GPC5: variants seen among roughly 807,000 people sequenced by gnomAD.
GPC5 encodes the protein glypican-5.
Under a neutral mutation model 53.9 loss-of-function variants are expected in GPC5, and 47 were observed. The ratio of observed to expected loss-of-function variants is 0.87; its 90% confidence interval spans 0.69 to 1.11. The LOEUF (loss-of-function observed/expected upper bound fraction) is 1.11. GPC5 is among the 50% of genes most tolerant of loss of function. The probability of loss-of-function intolerance (pLI) is 0.00; values close to 1 mark genes in which losing one functional copy is unlikely to be tolerated. For missense variants in GPC5, 748 were observed against 713.1 expected (o/e 1.05, Z -0.56); for synonymous variants, 286 against 263.3 (o/e 1.09, Z -0.84).
chr13:91,745,549 A>T (rs1566655231), intron 4 of GPC5, among the ~76,000 whole-genome samples: 1 of 152,030 alleles, frequency 6.6e-6, no homozygotes, highest in East Asian at 1.9e-4. Context: ...ATCCTCTAAT[A>T]AAGGGGAATC....
chr13:92,580,818 A>G (rs1052539915), intron 7 of GPC5, among the ~76,000 whole-genome samples: 6 of 152,016 alleles, frequency 3.9e-5, no homozygotes, highest in African/African-American at 7.2e-5. Context: ...TGATCCAGTC[A>G]CCTCCTACCA....
chr13:92,282,078 G>A (rs2042919757), intron 7 of GPC5, among the ~76,000 whole-genome samples: 1 of 152,186 alleles, frequency 6.6e-6, no homozygotes. Context: ...GAAAACCATG[G>A]CACGAGAACT....
At chr13:92,312,331 G>A (rs915646503) in intron 7 of GPC5, among the ~76,000 whole-genome samples, 2 of 151,802 alleles carry the variant, frequency 1.3e-5, no homozygotes, top group Admixed American at 1.3e-4. Context: ...CTGTTGAGTG[G>A]GGGGAAAAAA....
intron 7 of GPC5, among the ~76,000 whole-genome samples, chr13:92,529,175 AT>A: frequency 6.6e-6 from 1 of 152,154 alleles, no homozygotes; most frequent in Non-Finnish European, 1.5e-5. Flanking sequence ...AGATTAGGAT[AT>A]TTTAACAAAC....
At chr13:92,832,495 A>T (rs914376093) in intron 7 of GPC5, among the ~76,000 whole-genome samples, 4 of 152,228 alleles carry the variant, frequency 2.6e-5, no homozygotes, top group African/African-American at 9.6e-5. Context: ...TAATCTTTTT[A>T]AAATAGACTA....
intron 7 of GPC5, among the ~76,000 whole-genome samples, chr13:92,350,758 T>C (rs1012868346): frequency 6.6e-6 from 1 of 152,196 alleles, no homozygotes; most frequent in African/African-American, 2.4e-5. Context: ...GTTGTATATA[T>C]AAATCATCAC....
chr13:91,733,612 T>A (rs537035996), intron 4 of GPC5, among the ~76,000 whole-genome samples: 1 of 152,326 alleles, frequency 6.6e-6, no homozygotes, highest in South Asian at 2.1e-4. Context: ...ATTTCATTCA[T>A]GATTTTGCTC....
At chr13:91,843,149 C>T (rs910083416) in intron 5 of GPC5, among the ~76,000 whole-genome samples, 1 of 152,074 alleles carries the variant, frequency 6.6e-6, no homozygotes, top group South Asian at 2.1e-4. Flanking sequence ...TTTGTCTGTG[C>T]TACACACCAG....
intron 7 of GPC5, among the ~76,000 whole-genome samples, chr13:92,837,264 G>A (rs977012079): frequency 9.2e-5 from 14 of 152,218 alleles, no homozygotes; most frequent in African/African-American, 3.1e-4. Flanking sequence ...AGGATTCAGA[G>A]GAAGATCCTC....
chr13:92,734,952 T>G (rs532643533), intron 7 of GPC5, among the ~76,000 whole-genome samples: 1 of 152,090 alleles, frequency 6.6e-6, no homozygotes, highest in African/African-American at 2.4e-5. Context: ...AAAGATAGGT[T>G]ATTTTATTAT....
At chr13:92,629,407 G>A (rs1334707235) in intron 7 of GPC5, among the ~76,000 whole-genome samples, 2 of 152,092 alleles carry the variant, frequency 1.3e-5, no homozygotes, top group African/African-American at 4.8e-5. Flanking sequence ...ATCTCTGTCT[G>A]TATTGTGGGG....
chr13:91,641,592 T>C (rs1444460143), intron 2 of GPC5, among the ~76,000 whole-genome samples: 1 of 152,256 alleles, frequency 6.6e-6, no homozygotes, highest in Non-Finnish European at 1.5e-5. Flanking sequence ...AACCTGCACA[T>C]ACTGCAGATG....
intron 5 of GPC5, among the ~76,000 whole-genome samples, chr13:91,867,483 A>G (rs1432941267): frequency 1.3e-5 from 2 of 152,242 alleles, no homozygotes; most frequent in Non-Finnish European, 1.5e-5. Context: ...ATGGACATTA[A>G]AAGGAACAGA....
At chr13:92,434,879 C>A (rs531980834) in intron 7 of GPC5, among the ~76,000 whole-genome samples, 2 of 152,206 alleles carry the variant, frequency 1.3e-5, no homozygotes, top group East Asian at 3.9e-4. Flanking sequence ...AGATACAATG[C>A]GTTTTGCTAT....
intron 6 of GPC5, among the ~76,000 whole-genome samples, chr13:92,035,955 A>G (rs935848133): frequency 1.3e-5 from 2 of 152,138 alleles, no homozygotes; most frequent in African/African-American, 4.8e-5. Context: ...CCATTTGTTC[A>G]TTGACAGTTG....
rs75165181 is a variant in GPC5 at position 91,773,015 on chromosome 13, A to G, written c.1280+16595A>G. Among the ~76,000 whole-genome samples the G allele has an allele frequency of 4.9e-3, 749 of 152,314 alleles. 5 individuals carry two copies. The highest frequency in any genetic ancestry group is 0.017 in the African/African-American group (709 of 41,568). ...TGGATTTCATGATATGACTAATCTT[A>G]CTGTAGAAATGATGTGAGATTCTTG... On this transcript the variant is annotated intron_variant, in intron 5 of 7. Transcript: ENST00000377067.
At chr13:92,663,534 C>T (rs1275592958) in intron 7 of GPC5, among the ~76,000 whole-genome samples, 4 of 146,546 alleles carry the variant, frequency 2.7e-5, no homozygotes, top group Non-Finnish European at 3.0e-5. Context: ...GTCAGGAGTT[C>T]GAGACCAGCC....
intron 6 of GPC5, among the ~76,000 whole-genome samples, chr13:92,138,151 G>T (rs1226973208): frequency 6.6e-6 from 1 of 152,138 alleles, no homozygotes; most frequent in Non-Finnish European, 1.5e-5. Context: ...CATGTATGTG[G>T]TAAAAATGAG....
intron 7 of GPC5, among the ~76,000 whole-genome samples, chr13:92,670,082 C>A (rs537860202): frequency 6.6e-6 from 1 of 152,156 alleles, no homozygotes; most frequent in African/African-American, 2.4e-5. Context: ...CTAGCACAGT[C>A]CTTAGCATAT....
Sources: allele counts gnomAD v4.1 joint callset (sites outside exome capture counted in the v4.1 genomes callset), GRCh38; gene constraint gnomAD v4.1.1; transcripts MANE v1.5; gene names NCBI Gene and HGNC (gene_info 2026-07-23, HGNC 2026-07-21).